LRRC4C: variants seen among roughly 807,000 people sequenced by gnomAD.
LRRC4C encodes the protein leucine-rich repeat-containing protein 4C.
LRRC4C carries 5 observed loss-of-function variants against 33.6 expected under a neutral mutation model. The observed-to-expected ratio is 0.15, with a 90% confidence interval of 0.08 to 0.31. The LOEUF (loss-of-function observed/expected upper bound fraction) is 0.31. LRRC4C is among the 10% of genes least tolerant of loss of function. LRRC4C has a pLI of 1.00. For missense variants in LRRC4C, 560 were observed against 796.7 expected (o/e 0.70, Z 3.58); for synonymous variants, 329 against 302.0 (o/e 1.09, Z -0.93).
At chr11:41,297,302 AT>A (rs1374857318) in intron 1 of LRRC4C, among the ~76,000 whole-genome samples, 1 of 152,156 alleles carries the variant, frequency 6.6e-6, no homozygotes, top group Admixed American at 6.5e-5. Context: ...TTTATTGAGA[AT>A]TGTTTCCATC....
At chr11:41,418,347 G>T (rs1954761239) in intron 1 of LRRC4C, among the ~76,000 whole-genome samples, 1 of 151,966 alleles carries the variant, frequency 6.6e-6, no homozygotes, top group African/African-American at 2.4e-5. Flanking sequence ...ATGGGGAATA[G>T]GTGCACTATA....
chr11:40,257,265 CA>C (rs11336804), intron 4 of LRRC4C, among the ~76,000 whole-genome samples: 105,912 of 151,888 alleles, frequency 0.7, 38,995 homozygotes, highest in East Asian at 0.92. Flanking sequence ...GAAGACTAAA[CA>C]AAACAAAATA....
intron 3 of LRRC4C, among the ~76,000 whole-genome samples, chr11:40,412,112 C>A (rs1590654210): frequency 6.6e-6 from 1 of 151,920 alleles, no homozygotes; most frequent in East Asian, 1.9e-4. Flanking sequence ...TATATTTAAG[C>A]CATATTTTTA....
At chr11:40,787,426 G>C (rs983865934) in intron 2 of LRRC4C, among the ~76,000 whole-genome samples, 3 of 152,110 alleles carry the variant, frequency 2.0e-5, no homozygotes, top group African/African-American at 7.2e-5. Context: ...ATGCGACTAT[G>C]CGAAAAAGAA....
intron 3 of LRRC4C, among the ~76,000 whole-genome samples, chr11:40,522,426 A>G (rs915867131): frequency 1.2e-4 from 18 of 152,074 alleles, no homozygotes; most frequent in African/African-American, 4.3e-4. Flanking sequence ...ATAATTCCCA[A>G]GTGTTGTGTG....
chr11:40,683,055 A>C (rs192623716), intron 2 of LRRC4C, among the ~76,000 whole-genome samples: 25 of 152,220 alleles, frequency 1.6e-4, no homozygotes, highest in African/African-American at 4.3e-4. Context: ...GACTAATATC[A>C]GGTGATAACA....
At chr11:41,410,540 A>T (rs1954431830) in intron 1 of LRRC4C, among the ~76,000 whole-genome samples, 1 of 151,346 alleles carries the variant, frequency 6.6e-6, no homozygotes, top group African/African-American at 2.4e-5. Flanking sequence ...TTCTGGGTTC[A>T]CGCCATTCTC....
chr11:41,215,947 G>A (rs975392325), intron 1 of LRRC4C, among the ~76,000 whole-genome samples: 26 of 152,092 alleles, frequency 1.7e-4, no homozygotes, highest in African/African-American at 6.0e-4. Context: ...TTCCAAAGTG[G>A]CTGCTTCGTT....
intron 1 of LRRC4C, among the ~76,000 whole-genome samples, chr11:41,289,528 A>G (rs1949932946): frequency 1.3e-5 from 2 of 152,142 alleles, no homozygotes; most frequent in Admixed American, 1.3e-4. Context: ...CCTTATCAGA[A>G]AAGGAAGACA....
intron 1 of LRRC4C, among the ~76,000 whole-genome samples, chr11:41,450,239 G>A (rs1471017209): frequency 6.6e-6 from 1 of 152,028 alleles, no homozygotes; most frequent in Non-Finnish European, 1.5e-5. Context: ...ACCCCTTCCA[G>A]AAAATAGAAG....
chr11:41,341,188 AAG>A lies in LRRC4C; in HGVS notation c.-496+118241_-496+118242del, dbSNP rs1169061478. Among the ~76,000 whole-genome samples the A allele has an allele frequency of 1.6e-3, 241 of 152,032 alleles. 6 individuals are homozygous for A. Among genetic ancestry groups the A allele is most frequent in the Non-Finnish European group, 4.7e-4 (32 of 67,986 alleles). On this transcript the variant is annotated intron_variant, in intron 1 of 6. Transcript: ENST00000528697. The stretch of plus-strand genomic sequence containing the variant: ...AGGTGAGGATGTTACTTAAGAAAAC[AAG>A]TACCAGAGAAAAAGACTGATAGCTC...
chr11:40,410,484 G>A (rs1246581835), intron 3 of LRRC4C, among the ~76,000 whole-genome samples: 2 of 151,888 alleles, frequency 1.3e-5, no homozygotes, highest in African/African-American at 2.4e-5. Context: ...AACACTGTGT[G>A]TAGATGATAG....
chr11:41,270,136 T>A (rs1004450018), intron 1 of LRRC4C, among the ~76,000 whole-genome samples: 1 of 152,082 alleles, frequency 6.6e-6, no homozygotes, highest in East Asian at 1.9e-4. Flanking sequence ...GGCCTTGATA[T>A]TGGAAATTCA....
chr11:40,474,843 C>T (rs770539053), intron 3 of LRRC4C, among the ~76,000 whole-genome samples: 2 of 151,226 alleles, frequency 1.3e-5, no homozygotes, highest in African/African-American at 4.8e-5. Context: ...AAGCTCATCA[C>T]TTGTCATTAG....
intron 1 of LRRC4C, among the ~76,000 whole-genome samples, chr11:41,227,192 A>G (rs1056223894): frequency 6.6e-6 from 1 of 152,012 alleles, no homozygotes; most frequent in Non-Finnish European, 1.5e-5. Context: ...CATATATTGG[A>G]CACATATTTT....
intron 1 of LRRC4C, among the ~76,000 whole-genome samples, chr11:41,171,272 G>A (rs546331745): frequency 7.0e-4 from 106 of 152,188 alleles, no homozygotes; most frequent in African/African-American, 2.2e-3. Flanking sequence ...CCAAAGGATT[G>A]TAAATCATGC....
intron 1 of LRRC4C, among the ~76,000 whole-genome samples, chr11:41,133,491 C>G: frequency 6.8e-6 from 1 of 148,110 alleles, no homozygotes; most frequent in Non-Finnish European, 1.5e-5. Flanking sequence ...CCCCCGCCCC[C>G]GCCAACCAAC....
At chr11:40,738,863 G>A (rs1028611654) in intron 2 of LRRC4C, among the ~76,000 whole-genome samples, 2 of 151,920 alleles carry the variant, frequency 1.3e-5, no homozygotes, top group African/African-American at 2.4e-5. Context: ...CCCAGTGCAG[G>A]ACTCTTTTTT....
intron 1 of LRRC4C, among the ~76,000 whole-genome samples, chr11:41,352,099 G>A (rs781450634): frequency 6.6e-6 from 1 of 152,124 alleles, no homozygotes; most frequent in African/African-American, 2.4e-5. Context: ...AAGATGTAAC[G>A]ACATGCTATC....
Sources: gnomAD v4.1 joint callset for allele counts (sites outside exome capture counted in the v4.1 genomes callset) on GRCh38, gnomAD v4.1.1 for gene constraint, MANE v1.5 for transcripts, NCBI Gene and HGNC (gene_info 2026-07-23, HGNC 2026-07-21) for gene names.